Variants in S1PR3 observed in about 807,000 individuals in gnomAD.
S1PR3 encodes sphingosine 1-phosphate receptor 3.
In S1PR3, 12 loss-of-function variants were observed where a neutral mutation model predicts 13.3. That is an observed-to-expected ratio of 0.90 (90% CI 0.58 to 1.46). The LOEUF is 1.46. S1PR3 is among the 40% of genes most tolerant of loss of function. S1PR3 has a pLI of 0.00. For missense variants in S1PR3, 450 were observed against 501.9 expected, an observed-to-expected ratio of 0.90 and a Z score of 0.99; for synonymous variants, 232 against 214.0, an observed-to-expected ratio of 1.08 and a Z score of -0.73.
Position 88,991,626 on chromosome 9 carries a change from C to A in S1PR3, c.-217C>A, listed in dbSNP as rs1294839772. On this transcript the variant is annotated 5_prime_UTR_variant, in exon 1 of 2. Transcript: ENST00000358157. This position sits in a 1 kb window ranked among gnomAD's most constrained non-coding sequence, Gnocchi z 4.0. The stretch of plus-strand genomic sequence containing the variant: ...CCCATCTGGCATTCGAGCGCAGGAC[C>A]GGGCGCCCCGGCACCGCCGCGCGCC... 1.3e-6 allele frequency: 2 copies of A among 1,534,784 alleles called. No homozygotes were observed. Among genetic ancestry groups the A allele is most frequent in the African/African-American group, 1.4e-5 (1 of 70,874 alleles).
In S1PR3 at chr9:89,001,058, C is replaced by T. The variant is rs1825860043; in HGVS notation, c.-143C>T. 1 of 902,018 alleles carries T rather than the reference C, an allele frequency of 1.1e-6. No individual in the cohort carries two copies. The highest frequency in any genetic ancestry group is 2.5e-5 in the Admixed American group (1 of 40,680). The allele number at this position is 902,018 out of a possible 1,614,324, so 55.9% of individuals were successfully genotyped here. ...CCTCTTTTTATCTGTTGGCAGGAGC[C>T]CTTTTTCAACGCCCTCGCTGGAGTC... On this transcript the variant is annotated 5_prime_UTR_variant, in exon 2 of 2. Coordinates refer to ENST00000358157, the MANE Select transcript of S1PR3 (RefSeq NM_005226.4).
intron 1 of S1PR3, 168 bp from the exon 2 acceptor site, chr9:89,000,885 CA>C: frequency 2.7e-6 from 1 of 374,670 alleles, no homozygotes; most frequent in East Asian, 5.4e-5. Context: ...TGGTGTCCCC[CA>C]ATCACTTAGG....
intron 1 of S1PR3, chr9:88,994,956 T>C (rs1205495945): frequency 6.0e-6 from 1 of 167,000 alleles, no homozygotes; most frequent in Non-Finnish European, 1.5e-5. Flanking sequence ...CAATGGACTG[T>C]CTCCAAAAGC....
At chr9:88,991,416 G>A (rs2118569737), upstream of S1PR3, 2 of 1,518,082 alleles carry the variant, frequency 1.3e-6, no homozygotes, top group Non-Finnish European at 1.8e-6. The surrounding 1 kb of genome is among the most constrained non-coding windows in gnomAD (Gnocchi z 4.0). Context: ...GCGGAGCGCG[G>A]GTCCCGCCCC....
intron 1 of S1PR3, chr9:89,000,170 G>A (rs1288156038): frequency 6.6e-6 from 1 of 152,238 alleles, no homozygotes; most frequent in Non-Finnish European, 1.5e-5. Flanking sequence ...CGTGGGGGAA[G>A]AGTTTGGAAT....
Position 88,991,805 on chromosome 9 carries a change from G to C in S1PR3, c.-148+110G>C, listed in dbSNP as rs2118573436. On this transcript the variant is annotated intron_variant, in intron 1 of 1. Transcript: ENST00000358157. The surrounding 1 kb of genome is among the most constrained non-coding windows in gnomAD (Gnocchi z 4.0). ...GATCCCGGGCGCGACGGGGACTTGG[G>C]CGCGCCACGGCGGCCGGAGCGCTCC... The C allele has an allele frequency of 6.2e-7, 1 of 1,606,078 alleles. No individual in the cohort carries two copies. The highest frequency in any genetic ancestry group is 1.3e-5 in the African/African-American group (1 of 74,930).
chr9:88,991,175 T>C, upstream of S1PR3: 2 of 1,603,820 alleles, frequency 1.2e-6, no homozygotes, highest in South Asian at 2.2e-5. The surrounding 1 kb of genome is among the most constrained non-coding windows in gnomAD (Gnocchi z 4.0). Context: ...GCTCGCCCGA[T>C]GAGGACAAGG....
Position 89,003,010 on chromosome 9 carries a change from G to A in S1PR3, c.*673G>A, listed in dbSNP as rs965142575. On this transcript the variant is annotated 3_prime_UTR_variant, in exon 2 of 2. Transcript: ENST00000358157. ...AGATGTGTGGGTCTGACCCACACCA[G>A]CCCTGTGTCCTGTCCTTTCAGTCAT... 6.0e-6 allele frequency: 1 copy of A among 167,626 alleles called. No individual in the cohort carries two copies. Among genetic ancestry groups the A allele is most frequent in the African/African-American group, 2.4e-5 (1 of 41,460 alleles). 10.4% of individuals were successfully genotyped at this position (167,626 alleles called of 1,614,324 possible).
At chr9:88,994,415 T>C (rs1825772514) in intron 1 of S1PR3, 1 of 167,004 alleles carries the variant, frequency 6.0e-6, no homozygotes, top group African/African-American at 2.4e-5. Flanking sequence ...ATGCCTCTTA[T>C]TTGAATGTGC....
Position 88,991,915 on chromosome 9 carries a change from A to C in S1PR3, c.-148+220A>C, listed in dbSNP as rs1291633189. The stretch of plus-strand genomic sequence containing the variant: ...ACCCGGAGCGTTTACAACGGGCTGG[A>C]GCTGAATACCTGGATGAAAGTGGAG... On this transcript the variant is annotated intron_variant, in intron 1 of 1. Coordinates refer to ENST00000358157, the MANE Select transcript of S1PR3 (RefSeq NM_005226.4). The surrounding 1 kb of genome is among the most constrained non-coding windows in gnomAD (Gnocchi z 4.0). 1 of 1,614,196 alleles carries C rather than the reference A, an allele frequency of 6.2e-7. No individual in the cohort carries two copies. The highest frequency in any genetic ancestry group is 1.7e-5 in the Admixed American group (1 of 60,022).
In S1PR3 at chr9:89,001,345, ATC is replaced by A; in HGVS notation, c.147_148del (p.Ile49MetfsTer20). The A allele has an allele frequency of 1.2e-6, 2 of 1,614,228 alleles. No homozygotes were observed. Among genetic ancestry groups the A allele is most frequent in the Non-Finnish European group, 1.7e-6 (2 of 1,180,048 alleles). On this transcript the variant is annotated frameshift_variant, in exon 2 of 2. Transcript: ENST00000358157. LOFTEE classifies it high-confidence loss of function. ...STLTTVLFLV[I>X]CSFIVLENLM... The stretch of plus-strand genomic sequence containing the variant: ...GCTCACCACCGTGCTCTTCTTGGTC[ATC>A]TGCAGCTTCATCGTCTTGGAGAACC...
intron 1 of S1PR3, among the ~76,000 whole-genome samples, chr9:88,996,314 A>G (rs969231229): frequency 2.0e-5 from 3 of 152,188 alleles, no homozygotes; most frequent in Non-Finnish European, 4.4e-5. Context: ...AAACATGGAC[A>G]TGTGTTCGCC....
intron 1 of S1PR3, chr9:88,999,607 G>A (rs1295183194): frequency 6.6e-6 from 1 of 152,112 alleles, no homozygotes; most frequent in East Asian, 1.9e-4. Context: ...TTAGGGCTGT[G>A]GTTCAAACAT....
At chr9:88,992,718 A>C (rs1825738060) in intron 1 of S1PR3, 1 of 152,292 alleles carries the variant, frequency 6.6e-6, no homozygotes, top group Non-Finnish European at 1.5e-5. Flanking sequence ...CATGACTAAC[A>C]AGGATAGCTG....
At chr9:88,992,117 C>A in intron 1 of S1PR3, 1 of 1,352,992 alleles carries the variant, frequency 7.4e-7, no homozygotes, top group Non-Finnish European at 1.0e-6. Flanking sequence ...TAACATTTCT[C>A]AAACAAGGCA....
chr9:88,992,180 T>A (rs1825729052), intron 1 of S1PR3: 1 of 705,950 alleles, frequency 1.4e-6, no homozygotes, highest in South Asian at 1.9e-5. Context: ...AGTGCAATAA[T>A]GAGGTTCCCA....
Position 89,001,074 on chromosome 9 carries a change from C to G in S1PR3, c.-127C>G, listed in dbSNP as rs1042048790. The G allele has an allele frequency of 2.7e-6, 3 of 1,100,106 alleles. No individual in the cohort carries two copies. The highest frequency in any genetic ancestry group is 2.3e-5 in the Admixed American group (1 of 42,992). The allele number at this position is 1,100,106 out of a possible 1,614,324, so 68.1% of individuals were successfully genotyped here. A position where few individuals can be genotyped will look rare whatever the true frequency, so the allele number is the denominator to read the frequency against. On this transcript the variant is annotated 5_prime_UTR_variant, in exon 2 of 2. Transcript: ENST00000358157. ...GGCAGGAGCCCTTTTTCAACGCCCT[C>G]GCTGGAGTCTGGCCTGCACGCCTTG...
Position 89,001,179 on chromosome 9 carries a change from A to G in S1PR3, c.-22A>G, listed in dbSNP as rs780163871. ...GCGCCCTCTCGTGGATTTTGGAGCTAATCGTCTGTGAATGCCAAGTGATGG... is the reference window on the plus strand; with the variant it reads ...GCGCCCTCTCGTGGATTTTGGAGCTGATCGTCTGTGAATGCCAAGTGATGG... On this transcript the variant is annotated 5_prime_UTR_variant, in exon 2 of 2. An upstream open reading frame in the 5' UTR loses its in-frame stop. Transcript: ENST00000358157. The G allele has an allele frequency of 1.9e-6, 3 of 1,607,562 alleles. No homozygotes were observed. The East Asian group carries it at 6.7e-5, about 36-fold the overall frequency.
rs1825860422 is a variant in S1PR3 at position 89,001,092 on chromosome 9, A to T, written c.-109A>T. ...ACGCCCTCGCTGGAGTCTGGCCTGC[A>T]CGCCTTGCTGAATGAAGCCGGAACC... On this transcript the variant is annotated 5_prime_UTR_variant, in exon 2 of 2. Coordinates refer to ENST00000358157, the MANE Select transcript of S1PR3 (RefSeq NM_005226.4). 7.7e-7 allele frequency: 1 copy of T among 1,296,920 alleles called. No individual in the cohort carries two copies. Among genetic ancestry groups the T allele is most frequent in the African/African-American group, 1.5e-5 (1 of 67,898 alleles). 80.3% of individuals were successfully genotyped at this position (1,296,920 alleles called of 1,614,324 possible).
Sources: allele counts gnomAD v4.1 joint callset (sites outside exome capture counted in the v4.1 genomes callset), GRCh38; gene constraint gnomAD v4.1.1; non-coding constraint Gnocchi (gnomAD v3.1); transcripts MANE v1.5; gene names NCBI Gene and HGNC (gene_info 2026-07-23, HGNC 2026-07-21).